The following TUBE1 variants were observed in gnomAD, a reference collection of about 807,000 sequenced individuals.
TUBE1 encodes the protein tubulin epsilon 1.
Under a neutral mutation model 53.5 loss-of-function variants are expected in TUBE1, and 34 were observed. That is an observed-to-expected ratio of 0.64 (90% confidence interval 0.48 to 0.85). The LOEUF (loss-of-function observed/expected upper bound fraction) is 0.85, where lower values mean the gene tolerates loss of function less well. Among genes scored for constraint, TUBE1 ranks in the 40% least tolerant of loss-of-function variants. The pLI is 0.00. For synonymous variants in TUBE1, 177 were observed against 198.4 expected, an observed-to-expected ratio of 0.89 and a Z score of 0.91; for missense variants, 532 against 570.5, an observed-to-expected ratio of 0.93 and a Z score of 0.69.
At chr6:112,086,755 C>G (rs782145554) in intron 2 of TUBE1, 147 bp from the exon 3 acceptor site, 115 of 597,456 alleles carry the variant, frequency 1.9e-4, no homozygotes, top group Middle Eastern at 4.0e-4. Context: ...GAGCCTGACT[C>G]TTCCCAATCT....
At chr6:112,079,464 TC>T (rs1386330407) in intron 6 of TUBE1, 168 bp downstream of exon 6, 1 of 501,204 alleles carries the variant, frequency 2.0e-6, no homozygotes, top group Non-Finnish European at 3.3e-6. Flanking sequence ...GTGACATAAT[TC>T]CACAAAATTT....
intron 3 of TUBE1, among the ~76,000 whole-genome samples, chr6:112,084,876 C>T (rs1554317132): frequency 6.6e-6 from 1 of 152,144 alleles, no homozygotes; most frequent in Non-Finnish European, 1.5e-5. Flanking sequence ...AAATAAGTTG[C>T]CAAAGTACTA....
intron 2 of TUBE1, 151 bp from the exon 3 acceptor site, chr6:112,086,759 C>T (rs1777164827): frequency 1.7e-6 from 1 of 593,898 alleles, no homozygotes; most frequent in Admixed American, 3.1e-5. Flanking sequence ...CTGACTCTTC[C>T]CAATCTCCTT....
In TUBE1 at chr6:112,079,630, T is replaced by G. The variant is rs782691219; in HGVS notation, c.448+3A>C. On this transcript the variant is annotated splice_donor_region_variant and intron_variant, in intron 6 of 11. Coordinates refer to ENST00000368662, the MANE Select transcript of TUBE1 (RefSeq NM_016262.5). ...TTACAGGCAAATGAGTGAAAAATTTTACCTCCTCCCATGGAATGTATTATA... is the reference window on the plus strand; with the variant it reads ...TTACAGGCAAATGAGTGAAAAATTTGACCTCCTCCCATGGAATGTATTATA... The G allele has an allele frequency of 6.2e-7, 1 of 1,611,248 alleles. No homozygotes were observed. The highest frequency in any genetic ancestry group is 8.5e-7 in the Non-Finnish European group (1 of 1,178,760).
At chr6:112,085,554 C>CA (rs148985554) in intron 3 of TUBE1, 1 of 404,486 alleles carries the variant, frequency 2.5e-6, no homozygotes, top group African/African-American at 2.1e-5. Context: ...AAATTTGAGT[C>CA]TCCTAAGAGA....
At chr6:112,086,216 T>G (rs1583600079) in intron 3 of TUBE1, among the ~76,000 whole-genome samples, 1 of 152,206 alleles carries the variant, frequency 6.6e-6, no homozygotes. Flanking sequence ...AAGTATATTT[T>G]TATACTTACA....
chr6:112,073,784 G>C (rs1554315664), intron 9 of TUBE1, among the ~76,000 whole-genome samples: 2 of 152,118 alleles, frequency 1.3e-5, no homozygotes, highest in African/African-American at 4.8e-5. Flanking sequence ...TTTTCAATCT[G>C]TTTTAGAGAC....
At chr6:112,085,212 C>T (rs1777129384) in intron 3 of TUBE1, 2 of 152,706 alleles carry the variant, frequency 1.3e-5, no homozygotes, top group Admixed American at 1.3e-4. Context: ...AAGAATAGTA[C>T]ACAAAGATAT....
Position 112,079,734 on chromosome 6 carries a change from A to G in TUBE1, c.347T>C (p.Phe116Ser), listed in dbSNP as rs1554316507. 2 of 1,609,696 alleles carry G rather than the reference A, an allele frequency of 1.2e-6. No homozygotes were observed. Among genetic ancestry groups the G allele is most frequent in the Non-Finnish European group, 1.7e-6 (2 of 1,178,334 alleles). Residue 116 changes from phenylalanine to serine, a missense_variant, in exon 6 of 12, where the codon TTC becomes TCC. Phe to Ser is a radical substitution (Grantham distance 155, BLOSUM62 -2). Transcript: ENST00000368662. The stretch of plus-strand genomic sequence containing the variant: ...AATCTGGTCTTGGTAAAGACTGCCG[A>G]AAACTTTGTGACCCACGGCCCTGAA... ...GNNWAVGHKVFGSLYQDQILE... is the reference protein window; with the variant it reads ...GNNWAVGHKVSGSLYQDQILE...
chr6:112,071,588 A>T lies in TUBE1; in HGVS notation c.1270-18T>A. On this transcript the variant is annotated intron_variant, in intron 11 of 11. Coordinates refer to ENST00000368662, the MANE Select transcript of TUBE1 (RefSeq NM_016262.5). ...AGGTGAGCCTATAAATTAAAAAATT[A>T]GGTAACGTTTACCATTTCAGGAACT... 1.9e-6 allele frequency: 3 copies of T among 1,576,482 alleles called. No homozygotes were observed. Among genetic ancestry groups the T allele is most frequent in the Non-Finnish European group, 2.6e-6 (3 of 1,156,562 alleles).
In TUBE1 at chr6:112,071,943, T is replaced by C. The variant is rs1279765987; in HGVS notation, c.1228A>G (p.Met410Val). The change falls in exon 11 of 12, where the codon ATG (methionine) becomes GTG (valine). Residue 410 changes from methionine (M) to valine (V), a missense_variant. By Grantham distance (21) the Met-to-Val change is conservative. Coordinates refer to ENST00000368662, the MANE Select transcript of TUBE1 (RefSeq NM_016262.5). Reference protein sequence around the residue: ...ANNTCVKPTFMELKERFMRLY... With the variant: ...ANNTCVKPTFVELKERFMRLY... ...CTCATGAATCTCTCTTTCAGTTCCA[T>C]GAAGGTGGGCTTCACACATGTGTTA... 3 of 1,610,852 alleles carry C rather than the reference T, an allele frequency of 1.9e-6. No individual in the cohort carries two copies. The highest frequency in any genetic ancestry group is 1.7e-6 in the Non-Finnish European group (2 of 1,179,136).
chr6:112,083,487 T>G (rs1777103122), intron 4 of TUBE1, among the ~76,000 whole-genome samples: 1 of 151,806 alleles, frequency 6.6e-6, no homozygotes, highest in African/African-American at 2.4e-5. Flanking sequence ...CCCAGCTAAT[T>G]TTTTGTATTT....
At chr6:112,076,272 G>C in intron 7 of TUBE1, 50 bp downstream of exon 7, 1 of 1,491,606 alleles carries the variant, frequency 6.7e-7, no homozygotes, top group Non-Finnish European at 9.0e-7. Context: ...ACATAATACA[G>C]GACTGAATAT....
In TUBE1 at chr6:112,086,628, T is replaced by C; in HGVS notation, c.100-20A>G. 6.5e-7 allele frequency: 1 copy of C among 1,545,326 alleles called. No homozygotes were observed. The highest frequency in any genetic ancestry group is 8.9e-7 in the Non-Finnish European group (1 of 1,119,954). On this transcript the variant is annotated intron_variant, in intron 2 of 11. Transcript: ENST00000368662. ...TCCTTTCTAAAAAGAAAAACATATG[T>C]TAATAGCATTTAGGTTTTGCTTCTC...
Position 112,074,704 on chromosome 6 carries a change from C to T in TUBE1, c.953+6G>A. ...CTCAAAAAATTGAAACAAAGTTACA[C>T]CTTACCTTCTAGGAGGAATGTTAAC... is the stretch of plus-strand genomic sequence containing the variant. On this transcript the variant is annotated splice_donor_region_variant and intron_variant, in intron 9 of 11. Coordinates refer to ENST00000368662, the MANE Select transcript of TUBE1 (RefSeq NM_016262.5). 2.7e-6 allele frequency: 4 copies of T among 1,496,302 alleles called. No homozygotes were observed. The highest frequency in any genetic ancestry group is 3.6e-6 in the Non-Finnish European group (4 of 1,122,536). 92.7% of individuals were successfully genotyped at this position (1,496,302 alleles called of 1,614,324 possible). A position where few individuals can be genotyped will look rare whatever the true frequency, so the allele number is the denominator to read the frequency against.
rs1244642947 is a variant in TUBE1, at chr6:112,087,222, C to T, written c.99+11G>A. 3.6e-5 allele frequency: 56 copies of T among 1,549,284 alleles called. No homozygotes were observed. Among genetic ancestry groups the T allele is most frequent in the Non-Finnish European group, 4.6e-5 (53 of 1,146,178 alleles). ...TGACAGGCGAGGGGGCTCGCGGCGG[C>T]GGGCGGGTACCTGGTTGACCGCGGC... On this transcript the variant is annotated intron_variant, in intron 2 of 11. Transcript: ENST00000368662.
rs782094972 is a variant in TUBE1 at position 112,079,704 on chromosome 6, T to C, written c.377A>G (p.Glu126Gly). The part of the protein sequence containing the change: ...FGSLYQDQIL[E>G]KFRKSAEHCD... The stretch of plus-strand genomic sequence containing the variant: ...GTGCTCTGCCGACTTTCTGAATTTC[T>C]CTAAAATCTGGTCTTGGTAAAGACT... Residue 126 changes from glutamate to glycine, a missense_variant, in exon 6 of 12, where the codon GAG (glutamate) becomes GGG (glycine). Transcript: ENST00000368662. 3.1e-6 allele frequency: 5 copies of C among 1,612,230 alleles called. No homozygotes were observed. The highest frequency in any genetic ancestry group is 4.2e-6 in the Non-Finnish European group (5 of 1,178,996).
chr6:112,074,552 T>C (rs1554315767), intron 9 of TUBE1, among the ~76,000 whole-genome samples, 158 bp downstream of exon 9: 1 of 152,174 alleles, frequency 6.6e-6, no homozygotes, highest in Admixed American at 6.5e-5. Flanking sequence ...TACTTCTAAA[T>C]AAAGATGCAT....
intron 4 of TUBE1, among the ~76,000 whole-genome samples, chr6:112,083,407 C>A (rs1554316984): frequency 6.6e-6 from 1 of 151,494 alleles, no homozygotes; most frequent in South Asian, 2.1e-4. Flanking sequence ...AGGCTCTGCC[C>A]CCCGGGGTTC....
Sources: gnomAD v4.1 joint callset for allele counts (sites outside exome capture counted in the v4.1 genomes callset) on GRCh38, gnomAD v4.1.1 for gene constraint, MANE v1.5 for transcripts, NCBI Gene and HGNC (gene_info 2026-07-23, HGNC 2026-07-21) for gene names.